The following ZNF483 variants were observed in gnomAD, a reference collection of about 807,000 sequenced individuals.
ZNF483 encodes the protein zinc finger protein HIT-10.
Under a neutral mutation model 28.6 loss-of-function variants are expected in ZNF483, and 9 were observed. The ratio of observed to expected loss-of-function variants is 0.32; its 90% CI spans 0.19 to 0.55. The LOEUF is 0.55. Among genes scored for constraint, ZNF483 ranks in the 20% least tolerant of loss-of-function variants. The probability of loss-of-function intolerance (pLI) is 0.93; values close to 1 mark genes in which losing one functional copy is unlikely to be tolerated. For missense variants in ZNF483, 675 were observed against 871.7 expected (o/e 0.77, Z 2.84); for synonymous variants, 322 against 306.2 (o/e 1.05, Z -0.54).
Position 111,551,375 on chromosome 9 carries a change from T to C in ZNF483, c.*8205T>C, listed in dbSNP as rs916829176. Among the ~76,000 whole-genome samples the C allele has an allele frequency of 6.7e-6, 1 of 148,296 alleles. No individual in the cohort carries two copies. The highest frequency in any genetic ancestry group is 2.5e-5 in the African/African-American group (1 of 40,568). On this transcript the variant is annotated 3_prime_UTR_variant, in exon 6 of 6. Coordinates refer to ENST00000309235, the MANE Select transcript of ZNF483 (RefSeq NM_133464.5). Reference sequence around the variant, plus strand: ...GTTCTAAATATACTTAATTTTCCAATAACTGAATCAAGTATCCAGTTTTTG... The same window carrying C: ...GTTCTAAATATACTTAATTTTCCAACAACTGAATCAAGTATCCAGTTTTTG...
At chr9:111,527,940 C>T (rs894135803) in intron 2 of ZNF483, 133 bp downstream of exon 2, 2 of 1,548,272 alleles carry the variant, frequency 1.3e-6, no homozygotes, top group South Asian at 1.2e-5. Flanking sequence ...TGAATCAGCC[C>T]TGCCATTTAC....
At chr9:111,565,226 A>G (rs1398567284) in intron 5 of ZNF483, among the ~76,000 whole-genome samples, 1 of 152,156 alleles carries the variant, frequency 6.6e-6, no homozygotes, top group African/African-American at 2.4e-5. Context: ...ACACAGAGAG[A>G]AGGCCACGTG....
intron 5 of ZNF483, among the ~76,000 whole-genome samples, chr9:111,564,999 C>G (rs1045221510): frequency 6.6e-6 from 1 of 152,018 alleles, no homozygotes; most frequent in African/African-American, 2.4e-5. Context: ...TGGCGTGTAC[C>G]TGTAATCCCA....
In ZNF483 at chr9:111,551,651, C is replaced by T. The variant is rs1564603150; in HGVS notation, c.*8481C>T. On this transcript the variant is annotated 3_prime_UTR_variant, in exon 6 of 6. Coordinates refer to ENST00000309235, the MANE Select transcript of ZNF483 (RefSeq NM_133464.5). ...TCCTAAGCCCAGGCAATCTGCCTGT[C>T]TCGGCCTCCCAAAGTGCCGGGATTA... Among the ~76,000 whole-genome samples the T allele has an allele frequency of 6.6e-6, 1 of 152,096 alleles. No individual in the cohort carries two copies. Among genetic ancestry groups the T allele is most frequent in the Non-Finnish European group, 1.5e-5 (1 of 68,010 alleles).
At chr9:111,556,549 C>T (rs1828128597), downstream of ZNF483, among the ~76,000 whole-genome samples, 1 of 152,252 alleles carries the variant, frequency 6.6e-6, no homozygotes, top group Admixed American at 6.5e-5. Context: ...TAGGCAGAGA[C>T]TCCCAAACCT....
At chr9:111,560,974 T>TATATAGAG (rs1564607823) in intron 5 of ZNF483, among the ~76,000 whole-genome samples, 2 of 9,344 alleles carry the variant, frequency 2.1e-4, no homozygotes, top group African/African-American at 9.8e-4. Flanking sequence ...TATATATATA[T>TATATAGAG]AGAGAGAGAG....
rs1177957779 is a variant in ZNF483 at position 111,544,785 on chromosome 9, G to T, written c.*1615G>T. On this transcript the variant is annotated 3_prime_UTR_variant, in exon 6 of 6. Coordinates refer to ENST00000309235, the MANE Select transcript of ZNF483 (RefSeq NM_133464.5). ...GGATTATTCCTTATAAATTTCATTG[G>T]TGGAGTCTGAATAATAATTTCCAAC... Among the ~76,000 whole-genome samples, 1 of 152,098 alleles carries T rather than the reference G, an allele frequency of 6.6e-6. No homozygotes were observed. Among genetic ancestry groups the T allele is most frequent in the Non-Finnish European group, 1.5e-5 (1 of 68,010 alleles).
In ZNF483 at chr9:111,551,589, GC is replaced by G. The variant is rs1164082341; in HGVS notation, c.*8420del. ...CGCCTGGCTAATTATTTTAGTAGAG[GC>G]GGGGTTTCACTGTGTTGCCCAGGCT... On this transcript the variant is annotated 3_prime_UTR_variant, in exon 6 of 6. Transcript: ENST00000309235. 6.6e-6 allele frequency among the ~76,000 whole-genome samples: 1 copy of G among 151,504 alleles called. No homozygotes were observed. The highest frequency in any genetic ancestry group is 2.4e-5 in the African/African-American group (1 of 41,246).
In ZNF483 at chr9:111,527,655, C is replaced by T. The variant is rs1195741868; in HGVS notation, c.260C>T (p.Thr87Met). The change falls in exon 2 of 6, where the codon ACG (threonine) becomes ATG (methionine). Residue 87 changes from threonine (T) to methionine (M), a missense_variant. Transcript: ENST00000309235. ...CNQWLRPDIHTKEQILELLVF... is the reference protein window; with the variant it reads ...CNQWLRPDIHMKEQILELLVF... ...CAGTGGCTGAGACCAGACATTCACA[C>T]GAAAGAACAGATTTTAGAGCTTCTG... 1.2e-6 allele frequency: 2 copies of T among 1,613,974 alleles called. No individual in the cohort carries two copies. The highest frequency in any genetic ancestry group is 2.2e-5 in the East Asian group (1 of 44,902).
In ZNF483 at chr9:111,553,602, G is replaced by A. The variant is rs562375445; in HGVS notation, c.*10432G>A. 2.0e-5 allele frequency among the ~76,000 whole-genome samples: 3 copies of A among 152,256 alleles called. No individual in the cohort carries two copies. The highest frequency in any genetic ancestry group is 2.1e-4 in the South Asian group (1 of 4,824). On this transcript the variant is annotated 3_prime_UTR_variant, in exon 6 of 6. Transcript: ENST00000309235. Reference sequence around the variant, plus strand: ...TGTTGATACTGACTAGATTGGTGACGTGTTTATGTGTAACACTAGTGATAA... The same window carrying A: ...TGTTGATACTGACTAGATTGGTGACATGTTTATGTGTAACACTAGTGATAA...
At position 111,546,624 on chromosome 9, in the gene ZNF483, G is replaced by A. The variant is rs1213028736; in HGVS notation, c.*3454G>A. Among the ~76,000 whole-genome samples the A allele has an allele frequency of 1.3e-5, 2 of 152,100 alleles. No individual in the cohort carries two copies. Among genetic ancestry groups the A allele is most frequent in the African/African-American group, 2.4e-5 (1 of 41,424 alleles). ...TTTTCATGTCACAGGACAAGGCAAG[G>A]TTTTGGTCAATAAAGTCATTTTATT... On this transcript the variant is annotated 3_prime_UTR_variant, in exon 6 of 6. Transcript: ENST00000309235.
chr9:111,525,520 G>A (rs1293081096), intron 1 of ZNF483, among the ~76,000 whole-genome samples: 1 of 152,196 alleles, frequency 6.6e-6, no homozygotes, highest in East Asian at 1.9e-4. Context: ...GGCGGTGAGG[G>A]GGAGGCTCTC....
chr9:111,576,613 A>G (rs1829067292), exon 6 of ZNF483: 3 of 564,694 alleles, frequency 5.3e-6, no homozygotes, highest in Non-Finnish European at 3.1e-6. Context: ...TTCATAAAAT[A>G]AAAGCTACTA....
rs900508126 is a variant in ZNF483 at position 111,549,009 on chromosome 9, C to G, written c.*5839C>G. Among the ~76,000 whole-genome samples, 43 of 151,956 alleles carry G rather than the reference C, an allele frequency of 2.8e-4. No individual in the cohort carries two copies. Among genetic ancestry groups the G allele is most frequent in the African/African-American group, 9.9e-4 (41 of 41,342 alleles). On this transcript the variant is annotated 3_prime_UTR_variant, in exon 6 of 6. Transcript: ENST00000309235. The stretch of plus-strand genomic sequence containing the variant: ...GCTTGATTATAACTTGTCTTGGTGT[C>G]TCTGTGGGGTGAGGGTAGGAGTCAA...
Position 111,551,400 on chromosome 9 carries a change from G to GTTTTTTTTTTT in ZNF483, c.*8245_*8255dup, listed in dbSNP as rs58638722. Among the ~76,000 whole-genome samples, 5 of 74,436 alleles carry GTTTTTTTTTTT rather than the reference G, an allele frequency of 6.7e-5. No individual in the cohort carries two copies. The highest frequency in any genetic ancestry group is 6.0e-4 in the South Asian group (1 of 1,668). 48.8% of individuals were successfully genotyped at this position (74,436 alleles called of 152,430 possible). A position where few individuals can be genotyped will look rare whatever the true frequency, so the allele number is the denominator to read the frequency against. Reference sequence around the variant, plus strand: ...TAACTGAATCAAGTATCCAGTTTTTGTTTTTTTTTTTTTTTTTTTTTTTTT... The same window carrying GTTTTTTTTTTT: ...TAACTGAATCAAGTATCCAGTTTTTGTTTTTTTTTTTTTTTTTTTTTTTTTTTTTTTTTTTT... On this transcript the variant is annotated 3_prime_UTR_variant, in exon 6 of 6. Coordinates refer to ENST00000309235, the MANE Select transcript of ZNF483 (RefSeq NM_133464.5).
intron 5 of ZNF483, chr9:111,570,339 A>C: frequency 7.1e-7 from 1 of 1,402,708 alleles, no homozygotes; most frequent in Non-Finnish European, 9.4e-7. Flanking sequence ...CCATTTCCTC[A>C]CTCCTTTCTG....
intron 5 of ZNF483, among the ~76,000 whole-genome samples, chr9:111,568,694 T>C (rs1470030482): frequency 6.6e-6 from 1 of 152,200 alleles, no homozygotes; most frequent in African/African-American, 2.4e-5. Context: ...GTCCTACTGA[T>C]ATGTGGTGTC....
At chr9:111,530,123 C>A (rs1044474640) in intron 2 of ZNF483, among the ~76,000 whole-genome samples, 5 of 152,122 alleles carry the variant, frequency 3.3e-5, no homozygotes, top group Non-Finnish European at 5.9e-5. Flanking sequence ...GCTCCACCCC[C>A]CAACCTGTCA....
At position 111,542,978 on chromosome 9, in the gene ZNF483, C is replaced by T. The variant is rs748547505; in HGVS notation, c.2043C>T (p.His681=). The T allele has an allele frequency of 6.2e-7, 1 of 1,613,964 alleles. No individual in the cohort carries two copies. Among genetic ancestry groups the T allele is most frequent in the South Asian group, 1.1e-5 (1 of 91,066 alleles). ...SFSQSSSLNE[H]HRIHTGEKPY... is the part of the protein sequence containing the mutation. ...GTCAGAGTTCATCTCTTAATGAGCA[C>T]CACCGAATTCATACAGGAGAGAAAC... Residue 681 remains histidine (H), a synonymous_variant, in exon 6 of 6, where the codon CAC becomes CAT. Transcript: ENST00000309235. This position sits in a 1 kb window ranked among gnomAD's most constrained non-coding sequence, Gnocchi z 6.2.
Sources: gnomAD v4.1 joint callset for allele counts (sites outside exome capture counted in the v4.1 genomes callset) on GRCh38, gnomAD v4.1.1 for gene constraint, Gnocchi (gnomAD v3.1) non-coding constraint, MANE v1.5 for transcripts, NCBI Gene and HGNC (gene_info 2026-07-23, HGNC 2026-07-21) for gene names.